MTIF2: variants seen among roughly 807,000 people sequenced by gnomAD.
MTIF2 encodes the protein translation initiation factor IF-2, mitochondrial.
In MTIF2, 71 loss-of-function variants were observed where a neutral mutation model predicts 83.5. The observed-to-expected ratio is 0.85, with a 90% confidence interval of 0.70 to 1.04. The LOEUF (loss-of-function observed/expected upper bound fraction) is 1.04. MTIF2 is among the 50% of genes least tolerant of loss of function. The probability of loss-of-function intolerance (pLI) is 0.00; values close to 1 mark genes in which losing one functional copy is unlikely to be tolerated. For synonymous variants in MTIF2, 319 were observed against 287.1 expected, an observed-to-expected ratio of 1.11 and a Z score of -1.12; for missense variants, 957 against 846.5, an observed-to-expected ratio of 1.13 and a Z score of -1.62.
intron 6 of MTIF2, 51 bp downstream of exon 6, chr2:55,254,603 T>G (rs372656974): frequency 7.2e-7 from 1 of 1,387,358 alleles, no homozygotes; most frequent in Non-Finnish European, 9.6e-7. Flanking sequence ...AGTGTAAATA[T>G]AACTATGTAG....
At chr2:55,265,221 C>T (rs180962758) in intron 3 of MTIF2, among the ~76,000 whole-genome samples, 280 of 142,062 alleles carry the variant, frequency 2.0e-3, no homozygotes, top group African/African-American at 6.9e-3. Context: ...CTAGCCTGGA[C>T]GACAAGAACA....
Position 55,237,423 on chromosome 2 carries a change from C to A in MTIF2, c.1876G>T (p.Ala626Ser). The change falls in exon 15 of 16, where the codon GCA (alanine) becomes TCA (serine). Residue 626 changes from alanine to serine, a missense_variant. By Grantham distance (99) the Ala-to-Ser change is moderately conservative. Coordinates refer to ENST00000263629, the MANE Select transcript of MTIF2 (RefSeq NM_002453.3). ...CAVEEHPVGEASILATFSVTE... is the reference protein window; with the variant it reads ...CAVEEHPVGESSILATFSVTE... ...ACAGAGAAGGTAGCTAGTATAGATG[C>A]CTCACCTTTAGGAAGAAGAGAACAT... 1 of 1,604,902 alleles carries A rather than the reference C, an allele frequency of 6.2e-7. No homozygotes were observed. Among genetic ancestry groups the A allele is most frequent in the Non-Finnish European group, 8.5e-7 (1 of 1,177,216 alleles).
chr2:55,255,285 T>C (rs1677421520), intron 5 of MTIF2, among the ~76,000 whole-genome samples: 1 of 150,486 alleles, frequency 6.6e-6, no homozygotes, highest in Non-Finnish European at 1.5e-5. Flanking sequence ...TGAGGGGAAA[T>C]ATAGAGTTGG....
chr2:55,254,251 T>C (rs767523850), intron 6 of MTIF2, 50 bp from the exon 7 acceptor site: 7 of 1,580,724 alleles, frequency 4.4e-6, no homozygotes, highest in South Asian at 3.5e-5. Flanking sequence ...AGAAATACTT[T>C]ATAGCCTGTG....
chr2:55,260,234 T>C (rs1191171077), intron 5 of MTIF2, among the ~76,000 whole-genome samples: 1 of 151,940 alleles, frequency 6.6e-6, no homozygotes, highest in African/African-American at 2.4e-5. Flanking sequence ...ACTCCGTCTC[T>C]ACTAAAAATA....
In MTIF2 at chr2:55,254,170, T is replaced by G; in HGVS notation, c.535A>C (p.Arg179=). 1 of 1,614,054 alleles carries G rather than the reference T, an allele frequency of 6.2e-7. No homozygotes were observed. Among genetic ancestry groups the G allele is most frequent in the Non-Finnish European group, 8.5e-7 (1 of 1,180,002 alleles). ...CCCATTATAGTAACAACTGGGGACCTTGGGGTTAATAAAGCTGGATCTGCC... is the reference window on the plus strand; with the variant it reads ...CCCATTATAGTAACAACTGGGGACCGTGGGGTTAATAAAGCTGGATCTGCC... ...PQADPALLTP[R]SPVVTIMGHV... Residue 179 remains arginine, a synonymous_variant, in exon 7 of 16, where the codon AGG becomes CGG. Coordinates refer to ENST00000263629, the MANE Select transcript of MTIF2 (RefSeq NM_002453.3).
chr2:55,267,347 C>T (rs1010961658), intron 3 of MTIF2, among the ~76,000 whole-genome samples: 6 of 151,788 alleles, frequency 4.0e-5, no homozygotes, highest in African/African-American at 1.2e-4. Flanking sequence ...TTAGTAGAGA[C>T]GGGGTTTCAC....
intron 8 of MTIF2, 103 bp downstream of exon 8, chr2:55,252,374 T>C: frequency 1.0e-6 from 1 of 969,424 alleles, no homozygotes; most frequent in East Asian, 2.4e-5. Context: ...GTAATACACG[T>C]ATAATAACTC....
chr2:55,237,131 C>A (rs1367381821), intron 15 of MTIF2, among the ~76,000 whole-genome samples, 157 bp downstream of exon 15: 1 of 152,084 alleles, frequency 6.6e-6, no homozygotes, highest in African/African-American at 2.4e-5. Context: ...GCAAAGGGAA[C>A]CCATCAACTA....
At chr2:55,241,848 A>T (rs944883845) in intron 13 of MTIF2, among the ~76,000 whole-genome samples, 1 of 151,962 alleles carries the variant, frequency 6.6e-6, no homozygotes, top group Non-Finnish European at 1.5e-5. Flanking sequence ...CGTCTCAAGA[A>T]AAAGAAGTCA....
At chr2:55,267,470 T>A (rs181974319) in intron 3 of MTIF2, 99 bp downstream of exon 3, 1 of 154,498 alleles carries the variant, frequency 6.5e-6, no homozygotes, top group Non-Finnish European at 1.5e-5. Context: ...ATACTGAATA[T>A]TTTTTAAAAG....
intron 9 of MTIF2, among the ~76,000 whole-genome samples, chr2:55,249,107 G>A (rs1043503759): frequency 2.0e-5 from 3 of 152,096 alleles, no homozygotes; most frequent in Admixed American, 6.6e-5. Context: ...CCACGTCTTT[G>A]TCCTACTATT....
Position 55,244,185 on chromosome 2 carries a change from A to T in MTIF2, c.1155T>A (p.Ser385=). The change falls in exon 11 of 16, where the codon TCT becomes TCA. Residue 385 remains serine (S), a synonymous_variant. Coordinates refer to ENST00000263629, the MANE Select transcript of MTIF2 (RefSeq NM_002453.3). The part of the protein sequence containing the change: ...IIQRGTLRKG[S]VLVAGKCWAK... ...CCCAACATTTTCCAGCAACCAGAAC[A>T]GAGCCTTTTCTTAAAGTTCCTCTTT... 1 of 1,614,154 alleles carries T rather than the reference A, an allele frequency of 6.2e-7. No individual in the cohort carries two copies. The highest frequency in any genetic ancestry group is 8.5e-7 in the Non-Finnish European group (1 of 1,180,000).
chr2:55,243,278 G>T, intron 12 of MTIF2, 138 bp downstream of exon 12: 1 of 1,080,330 alleles, frequency 9.3e-7, no homozygotes, highest in Non-Finnish European at 1.3e-6. Context: ...AACAAAATCA[G>T]CAAGAAATAT....
chr2:55,264,575 T>A (rs1678289066), intron 3 of MTIF2, among the ~76,000 whole-genome samples: 1 of 152,086 alleles, frequency 6.6e-6, no homozygotes, highest in East Asian at 1.9e-4. Flanking sequence ...CACTCCTACC[T>A]CTCAAGCTTT....
chr2:55,258,148 T>A (rs1285572027), intron 5 of MTIF2, among the ~76,000 whole-genome samples: 1 of 152,160 alleles, frequency 6.6e-6, no homozygotes, highest in Non-Finnish European at 1.5e-5. Context: ...ATGGTTGTGT[T>A]TAACAACCAG....
rs1356704851 is a variant in MTIF2, at chr2:55,240,002, A to C, written c.1870+9T>G. On this transcript the variant is annotated intron_variant, in intron 14 of 15. Coordinates refer to ENST00000263629, the MANE Select transcript of MTIF2 (RefSeq NM_002453.3). ...TAATTTTTAAAAGTAACATTCAGTG[A>C]TCACTCACCTACTGGGTGCTCTTCC... 2 of 1,592,680 alleles carry C rather than the reference A, an allele frequency of 1.3e-6. No individual in the cohort carries two copies. Among genetic ancestry groups the C allele is most frequent in the Admixed American group, 3.4e-5 (2 of 58,868 alleles).
At position 55,261,131 on chromosome 2, in the gene MTIF2, C is replaced by T. The variant is rs866822695; in HGVS notation, c.331+1185G>A. Among the ~76,000 whole-genome samples the T allele has an allele frequency of 3.2e-4, 48 of 151,616 alleles. No homozygotes were observed. In the Middle Eastern group the frequency reaches 0.017, roughly 54 times the overall value. ...CCTCCCGAGTAGCTGGGACTACAGG[C>T]GCCCGCCACTAGGCCCAGCTAATTT... On this transcript the variant is annotated intron_variant, in intron 5 of 15. Transcript: ENST00000263629.
intron 3 of MTIF2, among the ~76,000 whole-genome samples, chr2:55,264,426 G>A (rs915765737): frequency 6.6e-6 from 1 of 152,032 alleles, no homozygotes; most frequent in Non-Finnish European, 1.5e-5. Context: ...TGGTAGAGAT[G>A]GTGTTTCACC....
Sources: gnomAD v4.1 joint callset for allele counts (sites outside exome capture counted in the v4.1 genomes callset) on GRCh38, gnomAD v4.1.1 for gene constraint, MANE v1.5 for transcripts, NCBI Gene and HGNC (gene_info 2026-07-23, HGNC 2026-07-21) for gene names.